COL19A1: variants seen among roughly 807,000 people sequenced by gnomAD.
The protein encoded by COL19A1 is collagen alpha-1(XIX) chain.
Under a neutral mutation model 190.2 loss-of-function variants are expected in COL19A1, and 159 were observed. The ratio of observed to expected loss-of-function variants is 0.84; its 90% CI spans 0.73 to 0.95. The LOEUF is 0.95. Ranked by LOEUF, COL19A1 falls within the 40% of genes least tolerant of loss-of-function variation. The probability of loss-of-function intolerance (pLI) is 0.00; values close to 1 mark genes in which losing one functional copy is unlikely to be tolerated. For synonymous variants in COL19A1, 509 were observed against 458.9 expected, an observed-to-expected ratio of 1.11 and a Z score of -1.39; for missense variants, 1,418 against 1,431.9, an observed-to-expected ratio of 0.99 and a Z score of 0.16.
At chr6:70,143,619 T>TACC (rs1786407436) in intron 23 of COL19A1, among the ~76,000 whole-genome samples, 1 of 151,972 alleles carries the variant, frequency 6.6e-6, no homozygotes, top group Non-Finnish European at 1.5e-5. Context: ...CTCTCCTGTC[T>TACC]ACTAGTCGGT....
At chr6:70,112,986 C>A (rs765966112) in intron 16 of COL19A1, among the ~76,000 whole-genome samples, 4 of 152,182 alleles carry the variant, frequency 2.6e-5, no homozygotes, top group African/African-American at 4.8e-5. Flanking sequence ...GTGAAAAATT[C>A]TCATTCAACA....
intron 11 of COL19A1, among the ~76,000 whole-genome samples, chr6:69,980,331 G>A (rs1036946352): frequency 1.3e-5 from 2 of 152,012 alleles, no homozygotes; most frequent in African/African-American, 4.8e-5. Flanking sequence ...TTGAAAGGAT[G>A]GGTTATTCCA....
At chr6:70,153,533 T>C (rs1055194424) in intron 31 of COL19A1, among the ~76,000 whole-genome samples, 2 of 152,062 alleles carry the variant, frequency 1.3e-5, no homozygotes, top group African/African-American at 2.4e-5. Flanking sequence ...CCAAAGAAAA[T>C]GAAGTCAGTT....
chr6:70,191,586 C>T (rs1172684850), intron 48 of COL19A1, among the ~76,000 whole-genome samples: 1 of 152,184 alleles, frequency 6.6e-6, no homozygotes, highest in South Asian at 2.1e-4. Flanking sequence ...ATCTTCTAAT[C>T]TATTGTTTAG....
intron 11 of COL19A1, among the ~76,000 whole-genome samples, chr6:69,995,139 G>A (rs996164416): frequency 6.6e-6 from 1 of 152,162 alleles, no homozygotes; most frequent in Non-Finnish European, 1.5e-5. Context: ...AGTTAAACAA[G>A]GTGGGAGGGT....
At chr6:69,938,848 C>G (rs1773277997) in intron 9 of COL19A1, among the ~76,000 whole-genome samples, 1 of 152,070 alleles carries the variant, frequency 6.6e-6, no homozygotes, top group Non-Finnish European at 1.5e-5. Flanking sequence ...TTGAGTATAT[C>G]TTTTGTCAGC....
chr6:70,186,403 A>T (rs1402818642), intron 46 of COL19A1, among the ~76,000 whole-genome samples: 3 of 152,194 alleles, frequency 2.0e-5, no homozygotes, highest in Non-Finnish European at 4.4e-5. Flanking sequence ...GTATGCAGAT[A>T]TATTTTTATA....
intron 22 of COL19A1, 51 bp from the exon 23 acceptor site, chr6:70,142,716 T>C (rs184738912): frequency 7.2e-7 from 1 of 1,380,336 alleles, no homozygotes. Flanking sequence ...ACAATCTATC[T>C]TTTTTTTTCT....
In COL19A1 at chr6:70,210,437, G is replaced by C. The variant is rs1445894648; in HGVS notation, c.*3163G>C. Among the ~76,000 whole-genome samples, 4 of 152,286 alleles carry C rather than the reference G, an allele frequency of 2.6e-5. No individual in the cohort carries two copies. In the South Asian group the frequency reaches 8.3e-4, roughly 32 times the overall value. On this transcript the variant is annotated 3_prime_UTR_variant, in exon 51 of 51. Transcript: ENST00000620364. Reference sequence around the variant, plus strand: ...ACCTTTTAAACTTTTCACTTTGTGAGCAAAGTAACCCCATAAGTTTATTTC... The same window carrying C: ...ACCTTTTAAACTTTTCACTTTGTGACCAAAGTAACCCCATAAGTTTATTTC...
intron 48 of COL19A1, 34 bp downstream of exon 48, chr6:70,190,415 C>T (rs748646876): frequency 7.4e-7 from 1 of 1,349,600 alleles, no homozygotes; most frequent in Non-Finnish European, 1.1e-6. Flanking sequence ...TCGAATTTTT[C>T]ACTGATTCCC....
intron 31 of COL19A1, among the ~76,000 whole-genome samples, chr6:70,152,700 T>G (rs1324929175): frequency 1.3e-5 from 2 of 152,150 alleles, no homozygotes; most frequent in East Asian, 3.9e-4. Context: ...AAGTAACTTT[T>G]TCAGTCATAG....
At chr6:70,151,284 C>A in intron 30 of COL19A1, 113 bp from the exon 31 acceptor site, 1 of 941,542 alleles carries the variant, frequency 1.1e-6, no homozygotes. Flanking sequence ...TAAAGTGAGA[C>A]ACCAGAAGCT....
chr6:70,068,287 G>C (rs1184656108), intron 14 of COL19A1, 136 bp from the exon 15 acceptor site: 2 of 670,118 alleles, frequency 3.0e-6, no homozygotes, highest in Non-Finnish European at 5.4e-6. Context: ...ATATTATATA[G>C]TTCAACCTTG....
intron 15 of COL19A1, among the ~76,000 whole-genome samples, chr6:70,068,894 A>G (rs1201770565): frequency 1.3e-5 from 2 of 152,058 alleles, no homozygotes; most frequent in South Asian, 2.1e-4. Context: ...TTTCATTGCC[A>G]TTTATTGCCT....
intron 1 of COL19A1, among the ~76,000 whole-genome samples, chr6:69,869,481 T>C (rs142254399): frequency 6.6e-6 from 1 of 152,270 alleles, no homozygotes; most frequent in African/African-American, 2.4e-5. Flanking sequence ...ACCTCCTCTT[T>C]TTAAGAGAAA....
Position 70,207,924 on chromosome 6 carries a change from T to A in COL19A1, c.*650T>A, listed in dbSNP as rs1216604405. On this transcript the variant is annotated 3_prime_UTR_variant, in exon 51 of 51. Coordinates refer to ENST00000620364, the MANE Select transcript of COL19A1 (RefSeq NM_001858.6). ...CCAAACACCCAGCATAGCCAACTAC[T>A]GAAATGATTTTGTTAATTCTGTATA... The A allele has an allele frequency of 1.3e-5, 2 of 152,170 alleles. No individual in the cohort carries two copies. The highest frequency in any genetic ancestry group is 4.8e-5 in the African/African-American group (2 of 41,434). 9.4% of individuals were successfully genotyped at this position (152,170 alleles called of 1,614,324 possible).
At chr6:69,947,804 C>G (rs550632446) in intron 9 of COL19A1, among the ~76,000 whole-genome samples, 1 of 151,724 alleles carries the variant, frequency 6.6e-6, no homozygotes, top group African/African-American at 2.4e-5. Flanking sequence ...CTACTTTTTC[C>G]TTTCATAAAT....
chr6:70,058,358 T>C lies in COL19A1; in HGVS notation c.1171-10065T>C, dbSNP rs79124376. Among the ~76,000 whole-genome samples the C allele has an allele frequency of 3.7e-3, 561 of 152,178 alleles. 11 individuals carry two copies. Among genetic ancestry groups the C allele is most frequent in the African/African-American group, 0.013 (531 of 41,572 alleles). On this transcript the variant is annotated intron_variant, in intron 14 of 50. Coordinates refer to ENST00000620364, the MANE Select transcript of COL19A1 (RefSeq NM_001858.6). ...ATTTTTGAAGGCAGGATAAAATTGT[T>C]CACCCAGTTAGGGAACTGGTTTACT...
chr6:70,019,655 G>T (rs778992779), intron 11 of COL19A1, among the ~76,000 whole-genome samples: 1 of 151,998 alleles, frequency 6.6e-6, no homozygotes, highest in South Asian at 2.1e-4. Context: ...TTAGGATTTC[G>T]TTGAAGTTTT....
Sources: allele counts gnomAD v4.1 joint callset (sites outside exome capture counted in the v4.1 genomes callset), GRCh38; gene constraint gnomAD v4.1.1; transcripts MANE v1.5; gene names NCBI Gene and HGNC (gene_info 2026-07-23, HGNC 2026-07-21).